The following PCSK2 variants were observed in gnomAD, a reference collection of about 807,000 sequenced individuals.
PCSK2 encodes proprotein convertase subtilisin/kexin type 2.
A neutral mutation model predicts 69.7 loss-of-function variants in PCSK2; 14 were observed. That is an observed-to-expected ratio of 0.20 (90% CI 0.13 to 0.31). The LOEUF (loss-of-function observed/expected upper bound fraction) is 0.31. PCSK2 is among the 10% of genes least tolerant of loss of function. The pLI is 1.00. For missense variants in PCSK2, 544 were observed against 842.5 expected, an observed-to-expected ratio of 0.65 and a Z score of 4.39; for synonymous variants, 307 against 320.7, an observed-to-expected ratio of 0.96 and a Z score of 0.46.
At chr20:17,479,445 C>T (rs529125993) in intron 11 of PCSK2, 265 of 568,812 alleles carry the variant, frequency 4.7e-4, no homozygotes, top group Non-Finnish European at 7.3e-4. Context: ...AGCGCCTGTT[C>T]TCCCTGGGGG....
chr20:17,266,213 C>T (rs932754714), intron 2 of PCSK2, among the ~76,000 whole-genome samples: 2 of 152,160 alleles, frequency 1.3e-5, no homozygotes, highest in Non-Finnish European at 2.9e-5. Context: ...TTTGCTTATG[C>T]CCTGGAGTGG....
intron 2 of PCSK2, among the ~76,000 whole-genome samples, chr20:17,346,554 A>G (rs1392910726): frequency 6.6e-6 from 1 of 152,214 alleles, no homozygotes; most frequent in Non-Finnish European, 1.5e-5. Context: ...GGCCAAAGCT[A>G]TTCATGTATT....
At chr20:17,444,041 C>T (rs2032649107) in intron 8 of PCSK2, among the ~76,000 whole-genome samples, 1 of 152,166 alleles carries the variant, frequency 6.6e-6, no homozygotes, top group Non-Finnish European at 1.5e-5. Context: ...AACATTGTAG[C>T]ATTTTGGAAG....
chr20:17,393,507 TC>T (rs1307698083), intron 5 of PCSK2, among the ~76,000 whole-genome samples: 1 of 152,182 alleles, frequency 6.6e-6, no homozygotes, highest in Non-Finnish European at 1.5e-5. Flanking sequence ...CTATTATACT[TC>T]AACTCTTAGA....
At chr20:17,458,435 G>A (rs2032960273) in intron 10 of PCSK2, among the ~76,000 whole-genome samples, 1 of 152,180 alleles carries the variant, frequency 6.6e-6, no homozygotes, top group Admixed American at 6.5e-5. Context: ...ATTCTTATAT[G>A]AGTCAGTCAT....
intron 5 of PCSK2, among the ~76,000 whole-genome samples, chr20:17,399,026 G>T (rs966083387): frequency 6.6e-6 from 1 of 152,106 alleles, no homozygotes; most frequent in Non-Finnish European, 1.5e-5. Flanking sequence ...CAAACAGTTG[G>T]TGCTCAATAA....
At chr20:17,266,884 A>G (rs1188018542) in intron 2 of PCSK2, among the ~76,000 whole-genome samples, 1 of 152,158 alleles carries the variant, frequency 6.6e-6, no homozygotes, top group East Asian at 1.9e-4. Context: ...GGCAATTCTC[A>G]GTGAAAGAAA....
rs184655560 is a variant in PCSK2 at position 17,347,658 on chromosome 20, G to A, written c.283-10669G>A. Among the ~76,000 whole-genome samples, 11 of 152,124 alleles carry A rather than the reference G, an allele frequency of 7.2e-5. No individual in the cohort carries two copies. The East Asian group carries it at 1.9e-3, about 27-fold the overall frequency. ...GGTTCAGCACGCGTAACAAATGCAC[G>A]CTGTGCTCCAGCAGGGATGTTGATA... On this transcript the variant is annotated intron_variant, in intron 2 of 11. Coordinates refer to ENST00000262545, the MANE Select transcript of PCSK2 (RefSeq NM_002594.5).
chr20:17,352,914 A>C (rs1449746376), intron 2 of PCSK2, among the ~76,000 whole-genome samples: 1 of 152,198 alleles, frequency 6.6e-6, no homozygotes, highest in Non-Finnish European at 1.5e-5. Context: ...CAACCTAGAG[A>C]ATGGGAGAAA....
intron 8 of PCSK2, among the ~76,000 whole-genome samples, chr20:17,445,774 C>T (rs900860837): frequency 1.3e-5 from 2 of 152,250 alleles, no homozygotes; most frequent in African/African-American, 4.8e-5. Flanking sequence ...TTATGCTCTG[C>T]AGCCAGATGA....
intron 2 of PCSK2, among the ~76,000 whole-genome samples, chr20:17,324,235 G>A (rs895611754): frequency 1.3e-5 from 2 of 151,916 alleles, no homozygotes; most frequent in African/African-American, 2.4e-5. Flanking sequence ...GGGTCTTCTG[G>A]AGAAGCTCAA....
At chr20:17,383,015 G>C (rs905514939) in intron 5 of PCSK2, among the ~76,000 whole-genome samples, 2 of 152,128 alleles carry the variant, frequency 1.3e-5, no homozygotes, top group Admixed American at 6.6e-5. Context: ...TGTTGCATGT[G>C]TTCCCCCATT....
At chr20:17,280,641 A>T (rs1272114293) in intron 2 of PCSK2, among the ~76,000 whole-genome samples, 2 of 152,220 alleles carry the variant, frequency 1.3e-5, no homozygotes, top group African/African-American at 4.8e-5. Flanking sequence ...AAATGCTCTA[A>T]CATCTGTTAG....
At chr20:17,468,887 C>G (rs1246442394) in intron 11 of PCSK2, among the ~76,000 whole-genome samples, 1 of 152,270 alleles carries the variant, frequency 6.6e-6, no homozygotes, top group Non-Finnish European at 1.5e-5. Flanking sequence ...TGTTTACTCA[C>G]TGAACCCCTA....
chr20:17,330,289 T>G (rs576898047), intron 2 of PCSK2, among the ~76,000 whole-genome samples: 25 of 152,064 alleles, frequency 1.6e-4, no homozygotes, highest in Non-Finnish European at 2.8e-4. Flanking sequence ...GACTGTGAGA[T>G]AGTATATCAA....
intron 2 of PCSK2, among the ~76,000 whole-genome samples, chr20:17,311,378 T>C (rs927381583): frequency 1.3e-5 from 2 of 152,178 alleles, no homozygotes; most frequent in Non-Finnish European, 2.9e-5. Flanking sequence ...CATATGAATA[T>C]ATTTCTTTAA....
At chr20:17,273,981 C>T (rs1600436123) in intron 2 of PCSK2, among the ~76,000 whole-genome samples, 1 of 152,086 alleles carries the variant, frequency 6.6e-6, no homozygotes, top group African/African-American at 2.4e-5. Context: ...TCACTCTGCT[C>T]ACCACCCATT....
intron 8 of PCSK2, among the ~76,000 whole-genome samples, chr20:17,437,731 G>A (rs1203882939): frequency 1.3e-5 from 2 of 152,228 alleles, no homozygotes; most frequent in African/African-American, 4.8e-5. Context: ...TCATAGCACA[G>A]AACACAACTC....
chr20:17,455,683 T>G (rs991774786), intron 9 of PCSK2, among the ~76,000 whole-genome samples: 11 of 152,270 alleles, frequency 7.2e-5, no homozygotes, highest in Non-Finnish European at 1.6e-4. Flanking sequence ...AAAACTAGGG[T>G]GGGGGTATTG....
Sources: gnomAD v4.1 joint callset for allele counts (sites outside exome capture counted in the v4.1 genomes callset) on GRCh38, gnomAD v4.1.1 for gene constraint, MANE v1.5 for transcripts, NCBI Gene and HGNC (gene_info 2026-07-23, HGNC 2026-07-21) for gene names.